Variants in POLE3 observed in about 807,000 individuals in gnomAD.
POLE3 encodes DNA polymerase epsilon 3, accessory subunit.
In POLE3, 10 loss-of-function variants were observed where a neutral mutation model predicts 16.1. That is an observed-to-expected ratio of 0.62 (90% CI 0.38 to 1.05). The LOEUF (loss-of-function observed/expected upper bound fraction) is 1.05. POLE3 is among the 50% of genes least tolerant of loss of function. POLE3 has a pLI of 0.01. For missense variants in POLE3, 169 were observed against 185.0 expected, an observed-to-expected ratio of 0.91 and a Z score of 0.50; for synonymous variants, 83 against 71.0, an observed-to-expected ratio of 1.17 and a Z score of -0.85.
At chr9:113,410,173 G>T in intron 2 of POLE3, 33 bp from the exon 3 acceptor site, 1 of 1,607,848 alleles carries the variant, frequency 6.2e-7, no homozygotes, top group Non-Finnish European at 8.5e-7. Flanking sequence ...CAAAGCTGCC[G>T]TTCCAGCACC....
chr9:113,410,299 C>T lies in POLE3; in HGVS notation c.-6G>A. 1 of 1,612,728 alleles carries T rather than the reference C, an allele frequency of 6.2e-7. No homozygotes were observed. Among genetic ancestry groups the T allele is most frequent in the Non-Finnish European group, 8.5e-7 (1 of 1,179,608 alleles). On this transcript the variant is annotated 5_prime_UTR_variant, in exon 2 of 5. Transcript: ENST00000374171. ...TCCTCGGGCCTCTCCGCCATTGCCG[C>T]CGCTGGGGCTTAAACTCCCCTTCGC...
Position 113,409,729 on chromosome 9 carries a change from C to T in POLE3, c.153-1G>A, listed in dbSNP as rs1264774616. ...TCCTTTCATTGCAAAGTTGTTAGCA[C>T]TGAGAGAAGAGAAAGGCTGTCAGAC... On this transcript the variant is annotated splice_acceptor_variant, in intron 3 of 4. Transcript: ENST00000374171. LOFTEE classifies it high-confidence loss of function. The T allele has an allele frequency of 1.3e-6, 2 of 1,583,878 alleles. No homozygotes were observed. Among genetic ancestry groups the T allele is most frequent in the Admixed American group, 1.7e-5 (1 of 59,970 alleles).
intron 1 of POLE3, 98 bp downstream of exon 1, chr9:113,410,518 GC>G (rs1828084452): frequency 1.7e-6 from 1 of 597,196 alleles, no homozygotes; most frequent in African/African-American, 1.9e-5. Context: ...AGTGGTTTTG[GC>G]CCGCCAAGGC....
At position 113,410,150 on chromosome 9, in the gene POLE3, G is replaced by A. The variant is rs1157715406; in HGVS notation, c.67-10C>T. The stretch of plus-strand genomic sequence containing the variant: ...TGACACCGTCCGGGAGCTGCGAGGA[G>A]ACCGGGGGTGAGCAAAGCTGCCGTT... On this transcript the variant is annotated splice_polypyrimidine_tract_variant and intron_variant, in intron 2 of 4. Coordinates refer to ENST00000374171, the MANE Select transcript of POLE3 (RefSeq NM_017443.5). The A allele has an allele frequency of 6.2e-7, 1 of 1,602,710 alleles. No homozygotes were observed. Among genetic ancestry groups the A allele is most frequent in the Non-Finnish European group, 8.5e-7 (1 of 1,175,044 alleles).
chr9:113,409,533 G>T (rs911179999), intron 4 of POLE3, 77 bp downstream of exon 4: 3 of 876,120 alleles, frequency 3.4e-6, no homozygotes, highest in Non-Finnish European at 5.7e-6. Flanking sequence ...CCCGCGCTGA[G>T]AAGGCTCAGG....
chr9:113,409,918 G>C (rs1022463634), intron 3 of POLE3, 137 bp downstream of exon 3: 2 of 798,202 alleles, frequency 2.5e-6, no homozygotes, highest in Non-Finnish European at 4.0e-6. Flanking sequence ...TTTTGCTTCA[G>C]AACTTGTAAA....
chr9:113,410,565 C>G (rs1322599160), intron 1 of POLE3, 52 bp downstream of exon 1: 1 of 555,610 alleles, frequency 1.8e-6, no homozygotes, highest in Non-Finnish European at 3.2e-6. Context: ...CACGCCCCTC[C>G]CCAGGTCCAT....
chr9:113,409,315 C>A, intron 4 of POLE3, among the ~76,000 whole-genome samples: 1 of 149,304 alleles, frequency 6.7e-6, no homozygotes, highest in Non-Finnish European at 1.5e-5. Context: ...AGCTGAGATC[C>A]CATCACTGCA....
At chr9:113,409,528 G>A in intron 4 of POLE3, 82 bp downstream of exon 4, 1 of 833,412 alleles carries the variant, frequency 1.2e-6, no homozygotes, top group Non-Finnish European at 2.0e-6. Context: ...AGGGACCCGC[G>A]CTGAGAAGGC....
At position 113,410,173 on chromosome 9, in the gene POLE3, G is replaced by A. The variant is rs750179832; in HGVS notation, c.67-33C>T. 8.1e-6 allele frequency: 13 copies of A among 1,607,730 alleles called. No individual in the cohort carries two copies. In the Admixed American group the frequency reaches 1.0e-4, roughly 13 times the overall value. On this transcript the variant is annotated intron_variant, in intron 2 of 4. Coordinates refer to ENST00000374171, the MANE Select transcript of POLE3 (RefSeq NM_017443.5). ...GAGACCGGGGGTGAGCAAAGCTGCCGTTCCAGCACCTGCTTCCCTCCTGCC... is the reference window on the plus strand; with the variant it reads ...GAGACCGGGGGTGAGCAAAGCTGCCATTCCAGCACCTGCTTCCCTCCTGCC...
chr9:113,409,369 A>C (rs1238704599), intron 4 of POLE3, among the ~76,000 whole-genome samples: 3 of 151,710 alleles, frequency 2.0e-5, no homozygotes, highest in Admixed American at 6.6e-5. Context: ...CAAAAAAAAA[A>C]AAAAAAAAAC....
Position 113,410,159 on chromosome 9 carries a change from T to C in POLE3, c.67-19A>G, listed in dbSNP as rs373924092. 2.7e-5 allele frequency: 43 copies of C among 1,603,664 alleles called. No individual in the cohort carries two copies. The African/African-American group carries it at 4.0e-4, about 15-fold the overall frequency. On this transcript the variant is annotated intron_variant, in intron 2 of 4. Transcript: ENST00000374171. ...CCGGGAGCTGCGAGGAGACCGGGGG[T>C]GAGCAAAGCTGCCGTTCCAGCACCT...
In POLE3 at chr9:113,410,319, C is replaced by A. The variant is rs1388757450; in HGVS notation, c.-26G>T. On this transcript the variant is annotated 5_prime_UTR_variant, in exon 2 of 5. In the 5' UTR this introduces an upstream ATG that the reference lacks. Coordinates refer to ENST00000374171, the MANE Select transcript of POLE3 (RefSeq NM_017443.5). ...TGCCGCCGCTGGGGCTTAAACTCCCCTTCGCCTCCGCTTCAGGGAGCTACT... is the reference window on the plus strand; with the variant it reads ...TGCCGCCGCTGGGGCTTAAACTCCCATTCGCCTCCGCTTCAGGGAGCTACT... The A allele has an allele frequency of 5.6e-6, 9 of 1,606,974 alleles. No homozygotes were observed. Among genetic ancestry groups the A allele is most frequent in the Non-Finnish European group, 7.7e-6 (9 of 1,176,416 alleles).
rs36023979 is a variant in POLE3 at position 113,409,634 on chromosome 9, T to C, written c.247A>G (p.Thr83Ala). The change falls in exon 4 of 5, where the codon ACC (threonine) becomes GCC (alanine). Residue 83 changes from threonine to alanine, a missense_variant. By Grantham distance (58) the Thr-to-Ala change is moderately conservative. Transcript: ENST00000374171. ...MEEMEFQRFV[T>A]PLKEALEAYR... Reference sequence around the variant, plus strand: ...CCTTCCAGAGCTTCTTTCAATGGGGTAACGAACCGCTGGAACTCCATCTCT... The same window carrying C: ...CCTTCCAGAGCTTCTTTCAATGGGGCAACGAACCGCTGGAACTCCATCTCT... 26 of 1,608,484 alleles carry C rather than the reference T, an allele frequency of 1.6e-5. No homozygotes were observed. The Middle Eastern group carries it at 5.0e-4, about 31-fold the overall frequency.
rs1157857268 is a variant in POLE3 at position 113,408,883 on chromosome 9, A to C, written c.372T>G (p.Asp124Glu). The C allele has an allele frequency of 6.2e-7, 1 of 1,612,196 alleles. No homozygotes were observed. The highest frequency in any genetic ancestry group is 8.5e-7 in the Non-Finnish European group (1 of 1,179,118). Residue 124 changes from aspartate to glutamate, a missense_variant, in exon 5 of 5, where the codon GAT (aspartate) becomes GAG (glutamate). Physicochemically the swap from Asp to Glu is conservative, Grantham distance 45. Coordinates refer to ENST00000374171, the MANE Select transcript of POLE3 (RefSeq NM_017443.5). ...TDSEEQDKSRDEDNDEDEERL... is the reference protein window; with the variant it reads ...TDSEEQDKSREEDNDEDEERL... ...TTTCTTCGTCTTCATCATTGTCCTCATCCCTGCTCTTGTCTTGCTCTTCCG... is the reference window on the plus strand; with the variant it reads ...TTTCTTCGTCTTCATCATTGTCCTCCTCCCTGCTCTTGTCTTGCTCTTCCG...
chr9:113,409,806 C>T (rs1425170228), intron 3 of POLE3, 78 bp from the exon 4 acceptor site: 1 of 983,394 alleles, frequency 1.0e-6, no homozygotes, highest in Non-Finnish European at 1.6e-6. Flanking sequence ...AGAGGTGGAA[C>T]GGGAAAGCCT....
chr9:113,410,529 C>T (rs1184600924), intron 1 of POLE3, 88 bp downstream of exon 1: 2 of 595,290 alleles, frequency 3.4e-6, no homozygotes, highest in African/African-American at 3.7e-5. Flanking sequence ...CCCGCCAAGG[C>T]TTCCATCCAA....
Position 113,408,853 on chromosome 9 carries a change from C to T in POLE3, c.402G>A (p.Leu134=), listed in dbSNP as rs1827995163. The T allele has an allele frequency of 2.5e-6, 4 of 1,613,504 alleles. No individual in the cohort carries two copies. The highest frequency in any genetic ancestry group is 2.7e-5 in the African/African-American group (2 of 74,998). ...CCTCTTCATTCTGTTCTTCTTCTTC[C>T]AGCCTTTCTTCGTCTTCATCATTGT... ...DEDNDEDEER[L]EEEEQNEEEE... is the part of the protein sequence containing the mutation. Residue 134 remains leucine, a synonymous_variant, in exon 5 of 5, where the codon CTG becomes CTA. Transcript: ENST00000374171.
At chr9:113,409,164 C>G (rs1828008133) in intron 4 of POLE3, among the ~76,000 whole-genome samples, 181 bp from the exon 5 acceptor site, 1 of 151,954 alleles carries the variant, frequency 6.6e-6, no homozygotes. Flanking sequence ...GAGTTCAAGA[C>G]CAGCCTGGCC....
Sources: allele counts gnomAD v4.1 joint callset (sites outside exome capture counted in the v4.1 genomes callset), GRCh38; gene constraint gnomAD v4.1.1; transcripts MANE v1.5; gene names NCBI Gene and HGNC (gene_info 2026-07-23, HGNC 2026-07-21).